Variants in PSIP1 observed in about 807,000 individuals in gnomAD.
PSIP1 encodes the protein PC4 and SRSF1 interacting protein 1.
PSIP1 carries 19 observed loss-of-function variants against 74.7 expected under a neutral mutation model. The observed-to-expected ratio is 0.25, with a 90% CI of 0.18 to 0.37. The LOEUF (loss-of-function observed/expected upper bound fraction) is 0.37, where lower values mean the gene tolerates loss of function less well. PSIP1 is among the 10% of genes least tolerant of loss of function. The probability of loss-of-function intolerance (pLI) is 1.00; values close to 1 mark genes in which losing one functional copy is unlikely to be tolerated. For synonymous variants in PSIP1, 222 were observed against 195.3 expected (o/e 1.14, Z -1.14); for missense variants, 601 against 614.3 (o/e 0.98, Z 0.23).
intron 9 of PSIP1, 105 bp downstream of exon 9, chr9:15,473,904 C>CAAAAAAAAAAACA: frequency 1.5e-6 from 1 of 649,268 alleles, no homozygotes; most frequent in Non-Finnish European, 2.0e-6. Context: ...CCATCTCAAA[C>CAAAAAAAAAAACA]AAAAAAAAAA....
chr9:15,505,096 A>T (rs1002922893), intron 3 of PSIP1: 2 of 151,822 alleles, frequency 1.3e-5, no homozygotes, highest in Non-Finnish European at 2.9e-5. Context: ...GTGCCACCAC[A>T]AACGGCTAAT....
At chr9:15,468,493 G>T (rs901498187) in intron 14 of PSIP1, 137 bp downstream of exon 14, 1 of 968,276 alleles carries the variant, frequency 1.0e-6, no homozygotes, top group Admixed American at 1.7e-5. Context: ...AGGCCCATCA[G>T]ATTTTCACCA....
Position 15,466,855 on chromosome 9 carries a change from T to C in PSIP1, c.1425A>G (p.Ser475=). 1 of 1,610,320 alleles carries C rather than the reference T, an allele frequency of 6.2e-7. No individual in the cohort carries two copies. Among genetic ancestry groups the C allele is most frequent in the South Asian group, 1.1e-5 (1 of 90,170 alleles). ...CATCAGATCCTCCATTTAGAGTCTT[T>C]GACCCTTGCGAAGGAATCCAATGGA... ...NKKLEKEQTG[S]KTLNGGSDAQ... is the part of the protein sequence containing the mutation. Residue 475 remains serine (S), a synonymous_variant, in exon 15 of 16, where the codon TCA becomes TCG. Transcript: ENST00000380733.
chr9:15,484,025 G>A (rs1046227813), intron 6 of PSIP1, among the ~76,000 whole-genome samples: 27 of 151,684 alleles, frequency 1.8e-4, no homozygotes, highest in African/African-American at 6.5e-4. Context: ...CTACTCAGGA[G>A]GCTGAGTGAG....
intron 14 of PSIP1, among the ~76,000 whole-genome samples, chr9:15,467,572 T>G (rs185542963): frequency 6.6e-6 from 1 of 152,274 alleles, no homozygotes; most frequent in East Asian, 1.9e-4. Context: ...AAAACAACTT[T>G]CAAGAGGGGC....
At chr9:15,490,506 A>C (rs1200704880) in intron 3 of PSIP1, among the ~76,000 whole-genome samples, 3 of 152,008 alleles carry the variant, frequency 2.0e-5, no homozygotes, top group African/African-American at 7.2e-5. Flanking sequence ...AACATGGTGA[A>C]ACCCCATCTC....
chr9:15,476,731 T>C (rs2036100753), intron 8 of PSIP1, among the ~76,000 whole-genome samples: 1 of 152,142 alleles, frequency 6.6e-6, no homozygotes, highest in African/African-American at 2.4e-5. Flanking sequence ...TTAACAATAA[T>C]TGCATAGGAA....
intron 3 of PSIP1, among the ~76,000 whole-genome samples, chr9:15,500,778 A>G (rs934142845): frequency 3.9e-5 from 6 of 152,222 alleles, no homozygotes; most frequent in Non-Finnish European, 8.8e-5. Context: ...TAAGAGCAGT[A>G]AGGAGGAAAA....
chr9:15,472,144 A>T (rs993439157), intron 10 of PSIP1: 5 of 984,204 alleles, frequency 5.1e-6, no homozygotes, highest in Admixed American at 6.2e-5. Flanking sequence ...GCACATACAT[A>T]ATAATGTACA....
In PSIP1 at chr9:15,464,346, C is replaced by G. The variant is rs2035463301; in HGVS notation, c.*1174G>C. The G allele has an allele frequency of 2.6e-5, 5 of 194,024 alleles. No homozygotes were observed. The Admixed American group carries it at 3.1e-4, about 12-fold the overall frequency. 12.0% of individuals were successfully genotyped at this position (194,024 alleles called of 1,614,324 possible). Reference sequence around the variant, plus strand: ...ATTTTTTTCCATATTCATATAATTTCAAAACATGAGAAGTATCCTACTTGC... The same window carrying G: ...ATTTTTTTCCATATTCATATAATTTGAAAACATGAGAAGTATCCTACTTGC... On this transcript the variant is annotated 3_prime_UTR_variant, in exon 16 of 16. Transcript: ENST00000380733.
chr9:15,488,953 G>A (rs182674394), intron 4 of PSIP1, among the ~76,000 whole-genome samples: 47 of 152,210 alleles, frequency 3.1e-4, no homozygotes, highest in Admixed American at 3.9e-4. Flanking sequence ...CCCGGGAGGC[G>A]GAGCTTACAG....
At chr9:15,493,674 G>A (rs2036941315) in intron 3 of PSIP1, among the ~76,000 whole-genome samples, 1 of 152,152 alleles carries the variant, frequency 6.6e-6, no homozygotes, top group South Asian at 2.1e-4. Context: ...TACAATCACG[G>A]CAGAAGGTAC....
intron 6 of PSIP1, among the ~76,000 whole-genome samples, chr9:15,485,447 C>G (rs1171767117): frequency 6.6e-5 from 10 of 152,086 alleles, no homozygotes; most frequent in Admixed American, 6.6e-4. Flanking sequence ...TTTTGGTTTT[C>G]TTTGCATCTT....
rs2036803420 is a variant in PSIP1, at chr9:15,490,945, G to A, written c.150-821C>T. ...ATTCATATATGTACTATCAATTTTT[G>A]CTATCTGTGGTAGTAATGTTCTATA... On this transcript the variant is annotated intron_variant, in intron 3 of 15. Transcript: ENST00000380733. Among the ~76,000 whole-genome samples, 3 of 152,180 alleles carry A rather than the reference G, an allele frequency of 2.0e-5. No homozygotes were observed. The South Asian group carries it at 6.2e-4, about 32-fold the overall frequency.
At chr9:15,485,309 T>C (rs2036513226) in intron 6 of PSIP1, among the ~76,000 whole-genome samples, 1 of 152,084 alleles carries the variant, frequency 6.6e-6, no homozygotes, top group Non-Finnish European at 1.5e-5. Context: ...TGCTCCTTCA[T>C]CCGCCTGACA....
intron 1 of PSIP1, 53 bp downstream of exon 1, chr9:15,510,764 C>T (rs1008686279): frequency 1.3e-5 from 2 of 151,922 alleles, no homozygotes; most frequent in Non-Finnish European, 2.9e-5. Flanking sequence ...CCGCTACAGC[C>T]AGGAGCGACG....
At chr9:15,473,061 C>A (rs1394489955) in intron 9 of PSIP1, among the ~76,000 whole-genome samples, 22 of 152,100 alleles carry the variant, frequency 1.4e-4, no homozygotes, top group Admixed American at 1.4e-3. Context: ...CACTACATGA[C>A]CTATCCAATT....
chr9:15,496,522 G>T (rs1416023835), intron 3 of PSIP1, among the ~76,000 whole-genome samples: 2 of 152,254 alleles, frequency 1.3e-5, no homozygotes, highest in East Asian at 3.9e-4. Context: ...TTTACATTTA[G>T]TTTTATTCAC....
chr9:15,509,819 C>G (rs1390632881), intron 2 of PSIP1, among the ~76,000 whole-genome samples: 2 of 152,226 alleles, frequency 1.3e-5, no homozygotes, highest in African/African-American at 2.4e-5. Context: ...ATTCACTCTT[C>G]ATTATTTCAC....
Sources: gnomAD v4.1 joint callset for allele counts (sites outside exome capture counted in the v4.1 genomes callset) on GRCh38, gnomAD v4.1.1 for gene constraint, MANE v1.5 for transcripts, NCBI Gene and HGNC (gene_info 2026-07-23, HGNC 2026-07-21) for gene names.